BEND6: variants seen among roughly 807,000 people sequenced by gnomAD.
BEND6 encodes the protein BEN domain-containing protein 6.
A neutral mutation model predicts 31.8 loss-of-function variants in BEND6; 24 were observed. That is an observed-to-expected ratio of 0.75 (90% CI 0.55 to 1.06). BEND6 has a LOEUF of 1.06. BEND6 is among the 50% of genes least tolerant of loss of function. BEND6 has a pLI of 0.00. For synonymous variants in BEND6, 109 were observed against 114.6 expected (o/e 0.95, Z 0.31); for missense variants, 294 against 327.4 (o/e 0.90, Z 0.79).
chr6:57,004,620 AC>A, intron 3 of BEND6: 1 of 1,071,006 alleles, frequency 9.3e-7, no homozygotes, highest in Admixed American at 1.7e-5. Flanking sequence ...CTGGAGCTCT[AC>A]CCCTCCTACG....
In BEND6 at chr6:56,992,434, A is replaced by G; in HGVS notation, c.177A>G (p.Glu59=). 1.9e-6 allele frequency: 3 copies of G among 1,614,086 alleles called. No individual in the cohort carries two copies. Among genetic ancestry groups the G allele is most frequent in the Non-Finnish European group, 2.5e-6 (3 of 1,179,992 alleles). The stretch of plus-strand genomic sequence containing the variant: ...CTGGTGAAAGCTCCAGTGAGGATGA[A>G]GAGCCTTTAGCAGAATTGTCAAAGG... ...FLPGESSSED[E]EPLAELSKEE... The change falls in exon 3 of 7, where the codon GAA becomes GAG. Residue 59 remains glutamate, a synonymous_variant. Coordinates refer to ENST00000370746, the MANE Select transcript of BEND6 (RefSeq NM_152731.3).
chr6:57,011,715 C>CAAAAAAAAAAAA (rs770049459), intron 3 of BEND6, among the ~76,000 whole-genome samples: 10 of 33,996 alleles, frequency 2.9e-4, no homozygotes, highest in Admixed American at 7.5e-4. Context: ...GGCCCTGTCT[C>CAAAAAAAAAAAA]AAAAAAAAAA....
At chr6:57,022,350 C>G (rs1827777142) in intron 6 of BEND6, among the ~76,000 whole-genome samples, 1 of 151,856 alleles carries the variant, frequency 6.6e-6, no homozygotes, top group Non-Finnish European at 1.5e-5. Context: ...ATGGTTCAAT[C>G]TTGCTAGGTT....
At chr6:56,972,993 G>A (rs184862620) in intron 1 of BEND6, among the ~76,000 whole-genome samples, 10 of 152,200 alleles carry the variant, frequency 6.6e-5, no homozygotes, top group African/African-American at 1.2e-4. Flanking sequence ...ATTGATCTAC[G>A]TACAAAGAAA....
chr6:57,025,687 G>C (rs1593037304), intron 6 of BEND6, among the ~76,000 whole-genome samples: 1 of 152,330 alleles, frequency 6.6e-6, no homozygotes, highest in South Asian at 2.1e-4. Flanking sequence ...TAGAAACTGA[G>C]TCAGGAAGAA....
chr6:57,001,683 G>A (rs1021223550), intron 3 of BEND6, among the ~76,000 whole-genome samples: 19 of 152,208 alleles, frequency 1.2e-4, no homozygotes, highest in Non-Finnish European at 7.4e-5. Context: ...TTCCAGATAA[G>A]CAAGTGCTAA....
chr6:56,976,026 T>G (rs1825860597), intron 1 of BEND6: 1 of 480,764 alleles, frequency 2.1e-6, no homozygotes, highest in Non-Finnish European at 4.2e-6. Context: ...TCAGGGACAT[T>G]CAAGCACTAA....
intron 2 of BEND6, among the ~76,000 whole-genome samples, chr6:56,982,587 G>A (rs1041003790): frequency 6.6e-6 from 1 of 151,862 alleles, no homozygotes; most frequent in African/African-American, 2.4e-5. Context: ...GTGTGTTTTT[G>A]TAATACATAT....
intron 3 of BEND6, among the ~76,000 whole-genome samples, chr6:57,000,111 C>A (rs986258344): frequency 1.3e-5 from 2 of 151,992 alleles, no homozygotes; most frequent in Admixed American, 1.3e-4. Flanking sequence ...CCATCGAGAA[C>A]GGGCCATGAT....
At chr6:56,983,913 A>G (rs755597330) in intron 2 of BEND6, among the ~76,000 whole-genome samples, 2 of 152,140 alleles carry the variant, frequency 1.3e-5, no homozygotes, top group Non-Finnish European at 2.9e-5. Context: ...ATCCTTATAC[A>G]TGTCCTTTTA....
intron 3 of BEND6, among the ~76,000 whole-genome samples, chr6:57,000,902 A>G (rs1356919282): frequency 1.4e-5 from 2 of 144,346 alleles, no homozygotes; most frequent in East Asian, 2.0e-4. Flanking sequence ...AAAAAAAAAA[A>G]GAAGTGCATA....
At chr6:57,008,331 T>C in intron 3 of BEND6, 1 of 684,356 alleles carries the variant, frequency 1.5e-6, no homozygotes. Flanking sequence ...CAGAAGCCCA[T>C]GCAAGGCTAC....
At chr6:56,987,721 T>G (rs1315083586) in intron 2 of BEND6, among the ~76,000 whole-genome samples, 2 of 152,214 alleles carry the variant, frequency 1.3e-5, no homozygotes, top group Non-Finnish European at 2.9e-5. Context: ...GTAGAGGCTT[T>G]CTTTATGTTA....
chr6:57,000,543 C>T (rs544233034), intron 3 of BEND6, among the ~76,000 whole-genome samples: 186 of 150,450 alleles, frequency 1.2e-3, no homozygotes, highest in Admixed American at 2.0e-3. Context: ...TCCCCCTCTC[C>T]GAGAAACACC....
At position 56,992,364 on chromosome 6, in the gene BEND6, G is replaced by T; in HGVS notation, c.121-14G>T. On this transcript the variant is annotated splice_polypyrimidine_tract_variant and intron_variant, in intron 2 of 6. Coordinates refer to ENST00000370746, the MANE Select transcript of BEND6 (RefSeq NM_152731.3). Reference sequence around the variant, plus strand: ...CTATGAGGCTTCTTTTATTGTGCCTGCCTTCTATTTTAGAGAGACCCATAT... The same window carrying T: ...CTATGAGGCTTCTTTTATTGTGCCTTCCTTCTATTTTAGAGAGACCCATAT... 1 of 1,584,132 alleles carries T rather than the reference G, an allele frequency of 6.3e-7. No homozygotes were observed. The highest frequency in any genetic ancestry group is 8.5e-7 in the Non-Finnish European group (1 of 1,170,632).
At chr6:56,974,179 T>C (rs1562538542) in intron 1 of BEND6, among the ~76,000 whole-genome samples, 1 of 152,146 alleles carries the variant, frequency 6.6e-6, no homozygotes, top group Non-Finnish European at 1.5e-5. Flanking sequence ...CTGTTTTTAA[T>C]TTGTCGGTAA....
At chr6:56,964,541 GC>G (rs1156517068) in intron 1 of BEND6, among the ~76,000 whole-genome samples, 1 of 150,880 alleles carries the variant, frequency 6.6e-6, no homozygotes, top group African/African-American at 2.4e-5. Flanking sequence ...TTGCCCTGTT[GC>G]CCACGCTGGA....
At chr6:56,956,236 C>T (rs1310136410) in intron 1 of BEND6, among the ~76,000 whole-genome samples, 1 of 152,208 alleles carries the variant, frequency 6.6e-6, no homozygotes, top group Non-Finnish European at 1.5e-5. Context: ...GTATTAGCCT[C>T]TTTTTTGGAA....
At chr6:56,983,941 A>G (rs6459176) in intron 2 of BEND6, among the ~76,000 whole-genome samples, 151,795 of 152,260 alleles carry the variant, frequency 1, 75,671 homozygotes, top group Middle Eastern at 1. Context: ...TTGTGAGGCC[A>G]GATGCAGTGG....
Sources: gnomAD v4.1 joint callset for allele counts (sites outside exome capture counted in the v4.1 genomes callset) on GRCh38, gnomAD v4.1.1 for gene constraint, MANE v1.5 for transcripts, NCBI Gene and HGNC (gene_info 2026-07-23, HGNC 2026-07-21) for gene names.